Variants in GLRB observed in about 807,000 individuals in gnomAD.
GLRB encodes the protein glycine receptor beta.
Under a neutral mutation model 54.2 loss-of-function variants are expected in GLRB, and 33 were observed. The ratio of observed to expected loss-of-function variants is 0.61; its 90% CI spans 0.46 to 0.81. The LOEUF (loss-of-function observed/expected upper bound fraction) is 0.81, where lower values mean the gene tolerates loss of function less well. Ranked by LOEUF, GLRB falls within the 40% of genes least tolerant of loss-of-function variation. GLRB has a pLI of 0.00. For synonymous variants in GLRB, 209 were observed against 208.2 expected, an observed-to-expected ratio of 1.00 and a Z score of -0.03; for missense variants, 572 against 584.6, an observed-to-expected ratio of 0.98 and a Z score of 0.22.
Position 157,081,500 on chromosome 4 carries a change from A to G in GLRB, c.122+3354A>G, listed in dbSNP as rs191651286. Among the ~76,000 whole-genome samples the G allele has an allele frequency of 2.1e-3, 323 of 152,322 alleles. 1 individual carries two copies. Among genetic ancestry groups the G allele is most frequent in the Admixed American group, 3.7e-3 (56 of 15,302 alleles). ...AATACAATGAATAATCACTGTATTA[A>G]GAGTGGTGAACTCCTCTTCTCACCA... On this transcript the variant is annotated intron_variant, in intron 2 of 9. Coordinates refer to ENST00000264428, the MANE Select transcript of GLRB (RefSeq NM_000824.5).
At chr4:157,122,891 C>T (rs765608672) in intron 4 of GLRB, among the ~76,000 whole-genome samples, 3 of 151,458 alleles carry the variant, frequency 2.0e-5, no homozygotes, top group African/African-American at 7.3e-5. Context: ...GCAATGTGAA[C>T]GCCTTGAAAA....
chr4:157,114,201 C>A (rs889899587), intron 2 of GLRB, among the ~76,000 whole-genome samples: 10 of 151,682 alleles, frequency 6.6e-5, no homozygotes, highest in Admixed American at 5.3e-4. Flanking sequence ...TAAGCCCCAG[C>A]CTTAACATGT....
At chr4:157,153,053 T>G in intron 9 of GLRB, 43 bp downstream of exon 9, 1 of 1,497,260 alleles carries the variant, frequency 6.7e-7, no homozygotes, top group Non-Finnish European at 9.3e-7. Flanking sequence ...CCCCAACCAC[T>G]TCATAGTGTC....
At chr4:157,129,877 C>A (rs1415057384) in intron 4 of GLRB, among the ~76,000 whole-genome samples, 3 of 151,298 alleles carry the variant, frequency 2.0e-5, no homozygotes, top group African/African-American at 7.3e-5. Context: ...AATGACTGTT[C>A]AAAATAATTG....
At chr4:157,156,174 A>G (rs1737219405) in intron 9 of GLRB, among the ~76,000 whole-genome samples, 1 of 152,184 alleles carries the variant, frequency 6.6e-6, no homozygotes. Context: ...CATTGAATCT[A>G]TAGATTGCTT....
At chr4:157,091,894 C>T (rs984135642) in intron 2 of GLRB, among the ~76,000 whole-genome samples, 1 of 152,160 alleles carries the variant, frequency 6.6e-6, no homozygotes, top group Non-Finnish European at 1.5e-5. Flanking sequence ...TGTTACATCC[C>T]TCCTTATCCT....
intron 4 of GLRB, 38 bp downstream of exon 4, chr4:157,122,435 T>A: frequency 2.6e-6 from 2 of 767,180 alleles, no homozygotes; most frequent in Non-Finnish European, 4.6e-6. Context: ...GTCAAATATT[T>A]CAATAGAGGA....
chr4:157,083,000 T>TATA (rs1734281493), intron 2 of GLRB, among the ~76,000 whole-genome samples: 2 of 144,976 alleles, frequency 1.4e-5, no homozygotes, highest in African/African-American at 5.2e-5. Context: ...ACACACATAC[T>TATA]TACAATTTAG....
chr4:157,147,267 T>C (rs981455942), intron 8 of GLRB, among the ~76,000 whole-genome samples: 1 of 152,214 alleles, frequency 6.6e-6, no homozygotes, highest in Non-Finnish European at 1.5e-5. Flanking sequence ...ACCAGTATGA[T>C]GCAGTTTCCT....
At chr4:157,104,435 A>T (rs1735147754) in intron 2 of GLRB, among the ~76,000 whole-genome samples, 1 of 151,796 alleles carries the variant, frequency 6.6e-6, no homozygotes, top group African/African-American at 2.4e-5. Flanking sequence ...TGATCCTTTT[A>T]ATGTGCTATT....
chr4:157,141,550 A>G (rs1736611783), intron 7 of GLRB, among the ~76,000 whole-genome samples: 1 of 151,978 alleles, frequency 6.6e-6, no homozygotes, highest in Non-Finnish European at 1.5e-5. Flanking sequence ...ATATGTGGGA[A>G]AGCAAGTATA....
intron 2 of GLRB, among the ~76,000 whole-genome samples, chr4:157,116,643 T>G (rs1197356266): frequency 6.6e-6 from 1 of 151,804 alleles, no homozygotes; most frequent in Non-Finnish European, 1.5e-5. Flanking sequence ...ACAAAGTGAC[T>G]GTATCCATTT....
intron 2 of GLRB, among the ~76,000 whole-genome samples, chr4:157,111,778 T>C (rs1020195604): frequency 2.0e-5 from 3 of 151,968 alleles, no homozygotes; most frequent in Admixed American, 1.3e-4. Flanking sequence ...ATTCATTTCT[T>C]CACCTACTAC....
At chr4:157,118,715 CTCT>C (rs1189980838) in intron 2 of GLRB, among the ~76,000 whole-genome samples, 2 of 151,428 alleles carry the variant, frequency 1.3e-5, no homozygotes, top group African/African-American at 4.8e-5. Flanking sequence ...CAATGGTTGC[CTCT>C]TATCGGCAGA....
intron 4 of GLRB, among the ~76,000 whole-genome samples, chr4:157,123,875 C>G (rs1735921817): frequency 6.6e-6 from 1 of 151,730 alleles, no homozygotes; most frequent in Admixed American, 6.6e-5. Context: ...CACTCTTTAT[C>G]TTGCATGCCC....
intron 8 of GLRB, among the ~76,000 whole-genome samples, chr4:157,145,908 A>T (rs1295266643): frequency 6.6e-6 from 1 of 152,130 alleles, no homozygotes; most frequent in South Asian, 2.1e-4. Context: ...CAAGGAGGCC[A>T]CTGTGGCTGG....
chr4:157,116,953 TG>T lies in GLRB; in HGVS notation c.123-3602del, dbSNP rs576967812. Among the ~76,000 whole-genome samples, 154 of 151,816 alleles carry T rather than the reference TG, an allele frequency of 1.0e-3. 1 individual carries two copies. The highest frequency in any genetic ancestry group is 3.7e-3 in the African/African-American group (152 of 41,490). ...ATGATATTTGGTATATTCCCTGGGT[TG>T]TTTTTTTGTTGTTGTTTGTTTGCTT... On this transcript the variant is annotated intron_variant, in intron 2 of 9. Transcript: ENST00000264428.
chr4:157,080,050 A>G (rs1261281207), intron 2 of GLRB, among the ~76,000 whole-genome samples: 5 of 152,144 alleles, frequency 3.3e-5, no homozygotes. Context: ...TATAACTACC[A>G]TATATATTAC....
intron 2 of GLRB, among the ~76,000 whole-genome samples, chr4:157,091,900 A>G (rs933653447): frequency 3.3e-5 from 5 of 151,992 alleles, no homozygotes; most frequent in Admixed American, 3.3e-4. Flanking sequence ...ATCCCTCCTT[A>G]TCCTTCTAGT....
Sources: allele counts gnomAD v4.1 joint callset (sites outside exome capture counted in the v4.1 genomes callset), GRCh38; gene constraint gnomAD v4.1.1; transcripts MANE v1.5; gene names NCBI Gene and HGNC (gene_info 2026-07-23, HGNC 2026-07-21).